WSB2: variants seen among roughly 807,000 people sequenced by gnomAD.
WSB2 encodes WD repeat and SOCS box-containing protein 2.
WSB2 carries 12 observed loss-of-function variants against 48.8 expected under a neutral mutation model. The observed-to-expected ratio is 0.25, with a 90% CI of 0.16 to 0.40. The LOEUF is 0.40. Ranked by LOEUF, WSB2 falls within the 10% of genes least tolerant of loss-of-function variation. The pLI, the probability that WSB2 is intolerant of heterozygous loss-of-function variation, is 1.00. For synonymous variants in WSB2, 191 were observed against 203.1 expected, an observed-to-expected ratio of 0.94 and a Z score of 0.51; for missense variants, 317 against 506.2, an observed-to-expected ratio of 0.63 and a Z score of 3.59.
chr12:118,049,578 T>C (rs1320374166), intron 2 of WSB2, among the ~76,000 whole-genome samples: 1 of 152,126 alleles, frequency 6.6e-6, no homozygotes, highest in Non-Finnish European at 1.5e-5. Context: ...ACTTTTTGTA[T>C]TTTTAATAGA....
chr12:118,042,136 T>C (rs565376402), intron 4 of WSB2, among the ~76,000 whole-genome samples: 1 of 152,302 alleles, frequency 6.6e-6, no homozygotes, highest in East Asian at 1.9e-4. Flanking sequence ...TATAGTTTGC[T>C]CGAGGCAGAA....
At chr12:118,040,496 C>G (rs762739437) in intron 4 of WSB2, among the ~76,000 whole-genome samples, 15 of 152,094 alleles carry the variant, frequency 9.9e-5, no homozygotes, top group Non-Finnish European at 1.8e-4. Flanking sequence ...CGTGGTACCT[C>G]ATACCTGTAA....
chr12:118,034,024 G>T lies in WSB2; in HGVS notation c.*172C>A. On this transcript the variant is annotated 3_prime_UTR_variant, in exon 9 of 9. Transcript: ENST00000315436. ...TCTAAGACTGACTTTCACATGCCAG[G>T]GAGAGAAAGATCCATGACTAGTACA... 2 of 839,664 alleles carry T rather than the reference G, an allele frequency of 2.4e-6. No homozygotes were observed. Among genetic ancestry groups the T allele is most frequent in the Non-Finnish European group, 3.7e-6 (2 of 539,572 alleles). The allele number at this position is 839,664 out of a possible 1,614,324, so 52.0% of individuals were successfully genotyped here. A position where few individuals can be genotyped will look rare whatever the true frequency, so the allele number is the denominator to read the frequency against.
rs1482932422 is a variant in WSB2, at chr12:118,033,769, T to C, written c.*427A>G. 2 of 165,084 alleles carry C rather than the reference T, an allele frequency of 1.2e-5. No homozygotes were observed. Among genetic ancestry groups the C allele is most frequent in the Admixed American group, 1.2e-4 (2 of 16,852 alleles). The allele number at this position is 165,084 out of a possible 1,614,324, so 10.2% of individuals were successfully genotyped here. On this transcript the variant is annotated 3_prime_UTR_variant, in exon 9 of 9. Transcript: ENST00000315436. ...AACTTGAACCAATGCTACCACTGCA[T>C]CAGAAACACAAGGATAGGTACTAGG... is the stretch of plus-strand genomic sequence containing the variant.
chr12:118,042,618 A>C (rs2031659806), intron 4 of WSB2: 2 of 564,662 alleles, frequency 3.5e-6, no homozygotes, highest in Admixed American at 7.3e-5. Context: ...AATAGCCTAA[A>C]TAGACACACA....
rs1200362658 is a variant in WSB2 at position 118,036,393 on chromosome 12, C to T, written c.778G>A (p.Asp260Asn). 1.2e-6 allele frequency: 2 copies of T among 1,614,036 alleles called. No homozygotes were observed. Among genetic ancestry groups the T allele is most frequent in the African/African-American group, 1.3e-5 (1 of 74,898 alleles). Reference sequence around the variant, plus strand: ...GGGTCCCACATAATCACATTGGTATCGTAAGAAGCCGTGACAAGCAGGGCA... The same window carrying T: ...GGGTCCCACATAATCACATTGGTATTGTAAGAAGCCGTGACAAGCAGGGCA... ...DSALLVTASY[D>N]TNVIMWDPYT... The change falls in exon 6 of 9, where the codon GAT (aspartate) becomes AAT (asparagine). Residue 260 changes from aspartate (D) to asparagine (N), a missense_variant. Asp to Asn is a conservative substitution (Grantham distance 23). Around this residue, in one of 2 missense-constraint regions of WSB2, gnomAD observed 189 missense variants for 349.6 expected, o/e 0.54. Coordinates refer to ENST00000315436, the MANE Select transcript of WSB2 (RefSeq NM_018639.5).
At chr12:118,057,440 A>T (rs2031977666) in intron 1 of WSB2, among the ~76,000 whole-genome samples, 1 of 151,860 alleles carries the variant, frequency 6.6e-6, no homozygotes, top group African/African-American at 2.4e-5. Context: ...ACACCTGGCT[A>T]ATTTTTGTAT....
chr12:118,040,096 C>T (rs2031597485), intron 4 of WSB2, among the ~76,000 whole-genome samples: 1 of 151,816 alleles, frequency 6.6e-6, no homozygotes, highest in South Asian at 2.1e-4. Context: ...TCACTGGAGC[C>T]CAGGAGGCAG....
chr12:118,043,853 A>G lies in WSB2; in HGVS notation c.183-476T>C, dbSNP rs1410235187. Among the ~76,000 whole-genome samples the G allele has an allele frequency of 6.6e-5, 10 of 152,074 alleles. No homozygotes were observed. In the East Asian group the frequency reaches 2.0e-3, roughly 30 times the overall value. ...TGATGTAGGCCAGGCGTGGTGGCTCATGCCCGTAATCCCAGCACTTTGGGA... is the reference window on the plus strand; with the variant it reads ...TGATGTAGGCCAGGCGTGGTGGCTCGTGCCCGTAATCCCAGCACTTTGGGA... On this transcript the variant is annotated intron_variant, in intron 2 of 8. Transcript: ENST00000315436.
At chr12:118,061,685 G>A (rs957298639), upstream of WSB2, among the ~76,000 whole-genome samples, 2 of 150,186 alleles carry the variant, frequency 1.3e-5, no homozygotes, top group Non-Finnish European at 3.0e-5. Flanking sequence ...GTGGGGGTAA[G>A]GGGAACCAAA....
chr12:118,061,014 G>C (rs1457771346), intron 1 of WSB2, 22 bp downstream of exon 1: 2 of 975,762 alleles, frequency 2.0e-6, no homozygotes, highest in Non-Finnish European at 2.4e-6. Flanking sequence ...GGGCGGGAAC[G>C]GGCGCGCCCG....
intron 2 of WSB2, among the ~76,000 whole-genome samples, chr12:118,051,611 G>A (rs540405459): frequency 8.6e-4 from 131 of 152,306 alleles, no homozygotes; most frequent in African/African-American, 2.9e-3. Flanking sequence ...AGAGTGCAGG[G>A]GGGTTGGGGG....
chr12:118,060,409 C>A lies in WSB2; in HGVS notation c.13+627G>T, dbSNP rs1048744762. ...GTCACCAGGGATCAGCGTCTCCAGT[C>A]CCGCCCCACCTCCACTGACTTAATC... On this transcript the variant is annotated intron_variant, in intron 1 of 8. Transcript: ENST00000315436. The surrounding 1 kb of genome is among the most constrained non-coding windows in gnomAD (Gnocchi z 4.1). Among the ~76,000 whole-genome samples, 20 of 152,140 alleles carry A rather than the reference C, an allele frequency of 1.3e-4. No homozygotes were observed. Among genetic ancestry groups the A allele is most frequent in the African/African-American group, 4.8e-4 (20 of 41,438 alleles).
chr12:118,036,287 T>A, intron 6 of WSB2, 51 bp downstream of exon 6: 1 of 1,579,924 alleles, frequency 6.3e-7, no homozygotes. Context: ...CCCAGGCAGG[T>A]TCCTCATCAG....
rs2031388291 is a variant in WSB2, at chr12:118,032,699, T to TTTA, written c.*1494_*1496dup. 8.3e-6 allele frequency: 1 copy of TTTA among 120,542 alleles called. No homozygotes were observed. The highest frequency in any genetic ancestry group is 4.1e-5 in the African/African-American group (1 of 24,330). The allele number at this position is 120,542 out of a possible 1,614,324, so 7.5% of individuals were successfully genotyped here. A position where few individuals can be genotyped will look rare whatever the true frequency, so the allele number is the denominator to read the frequency against. On this transcript the variant is annotated 3_prime_UTR_variant, in exon 9 of 9. Coordinates refer to ENST00000315436, the MANE Select transcript of WSB2 (RefSeq NM_018639.5). ...GCACCACACTAAGTTTTTTTGGCTATTTATTTATTTATTTTTTAAATAAAG... is the reference window on the plus strand; with the variant it reads ...GCACCACACTAAGTTTTTTTGGCTATTTATTATTTATTTATTTTTTAAATAAAG...
chr12:118,040,817 G>T (rs1433955730), intron 4 of WSB2, among the ~76,000 whole-genome samples: 3 of 152,174 alleles, frequency 2.0e-5, no homozygotes, highest in Non-Finnish European at 4.4e-5. Flanking sequence ...GGAAGCCCAG[G>T]TAGGCAGATC....
At chr12:118,041,899 C>T (rs60260780) in intron 4 of WSB2, among the ~76,000 whole-genome samples, 4,631 of 151,974 alleles carry the variant, frequency 0.03, 254 homozygotes, top group African/African-American at 0.11. Flanking sequence ...GGACTACAGG[C>T]GCCCACCACC....
intron 4 of WSB2, among the ~76,000 whole-genome samples, chr12:118,039,541 A>ATAC (rs1344571554): frequency 6.6e-6 from 1 of 152,152 alleles, no homozygotes; most frequent in Non-Finnish European, 1.5e-5. Context: ...GGAAGGGTAT[A>ATAC]TACTCCTAAC....
chr12:118,050,242 T>G (rs1333199976), intron 2 of WSB2, among the ~76,000 whole-genome samples: 5 of 152,062 alleles, frequency 3.3e-5, no homozygotes, highest in African/African-American at 1.2e-4. Context: ...AATACAGACA[T>G]AGAGTTGCCC....
Sources: allele counts gnomAD v4.1 joint callset (sites outside exome capture counted in the v4.1 genomes callset), GRCh38; gene constraint gnomAD v4.1.1; regional missense constraint gnomAD v4.1.1; non-coding constraint Gnocchi (gnomAD v3.1); transcripts MANE v1.5; gene names NCBI Gene and HGNC (gene_info 2026-07-23, HGNC 2026-07-21).